The following AGBL1 variants were observed in gnomAD, a reference collection of about 807,000 sequenced individuals.
AGBL1 encodes cytosolic carboxypeptidase 4.
Under a neutral mutation model 118.9 loss-of-function variants are expected in AGBL1, and 130 were observed. That is an observed-to-expected ratio of 1.09 (90% CI 0.95 to 1.26). AGBL1 has a LOEUF of 1.26. AGBL1 is among the 50% of genes most tolerant of loss of function. AGBL1 has a pLI of 0.00. For missense variants in AGBL1, 1,584 were observed against 1,298.1 expected (o/e 1.22, Z -3.38); for synonymous variants, 555 against 478.9 (o/e 1.16, Z -2.08).
At chr15:86,925,151 AGGAGGAGGAG>A (rs371353197) in intron 23 of AGBL1, among the ~76,000 whole-genome samples, 71,915 of 121,500 alleles carry the variant, frequency 0.59, 21,590 homozygotes, top group East Asian at 0.68. Flanking sequence ...GAAGAGGAGG[AGGAGGAGGAG>A]GAGGAGGAAG....
chr15:86,487,953 T>A (rs2082733017), intron 18 of AGBL1, among the ~76,000 whole-genome samples: 1 of 152,012 alleles, frequency 6.6e-6, no homozygotes, highest in Non-Finnish European at 1.5e-5. Context: ...AGTTTCAAGT[T>A]CCCCTCCTTT....
chr15:86,118,898 C>T (rs570614097), intron 1 of AGBL1, among the ~76,000 whole-genome samples: 15 of 152,300 alleles, frequency 9.8e-5, no homozygotes, highest in African/African-American at 3.6e-4. Flanking sequence ...TATGTAGCAT[C>T]CACTGCTTAC....
intron 23 of AGBL1, among the ~76,000 whole-genome samples, chr15:86,973,522 A>G (rs2081132616): frequency 6.6e-6 from 1 of 151,602 alleles, no homozygotes; most frequent in Non-Finnish European, 1.5e-5. Flanking sequence ...AGGTTGGCCT[A>G]GCATGATCGG....
chr15:86,760,940 T>G (rs2078013852), intron 22 of AGBL1, among the ~76,000 whole-genome samples: 1 of 152,106 alleles, frequency 6.6e-6, no homozygotes, highest in African/African-American at 2.4e-5. Context: ...TCTAAATGCA[T>G]TGGTAAGCAC....
At chr15:86,447,294 T>C (rs899716238) in intron 18 of AGBL1, among the ~76,000 whole-genome samples, 1 of 152,188 alleles carries the variant, frequency 6.6e-6, no homozygotes, top group Non-Finnish European at 1.5e-5. Flanking sequence ...TGCAAATGAC[T>C]CTTTTCCTCT....
intron 23 of AGBL1, among the ~76,000 whole-genome samples, chr15:86,981,775 T>C (rs548258990): frequency 1.3e-5 from 2 of 152,226 alleles, no homozygotes; most frequent in East Asian, 1.9e-4. Context: ...AAAATGAAAG[T>C]TGCCTTGGGA....
chr15:86,683,965 A>C (rs1484225088), intron 22 of AGBL1, among the ~76,000 whole-genome samples: 1 of 152,126 alleles, frequency 6.6e-6, no homozygotes, highest in Non-Finnish European at 1.5e-5. Context: ...ACCCTGTGAC[A>C]CCTATGGCTC....
intron 21 of AGBL1, among the ~76,000 whole-genome samples, chr15:86,654,141 G>T (rs533346487): frequency 6.6e-6 from 1 of 152,190 alleles, no homozygotes; most frequent in South Asian, 2.1e-4. Context: ...ATGTCTCTAT[G>T]GGCCAAGCAG....
intron 22 of AGBL1, among the ~76,000 whole-genome samples, chr15:86,890,432 A>G (rs1371500996): frequency 6.6e-6 from 1 of 151,940 alleles, no homozygotes; most frequent in African/African-American, 2.4e-5. Flanking sequence ...CTTTTGTTGC[A>G]GTTGTTTTTG....
chr15:86,471,033 T>C (rs1383286436), intron 18 of AGBL1, among the ~76,000 whole-genome samples: 2 of 152,188 alleles, frequency 1.3e-5, no homozygotes, highest in Admixed American at 1.3e-4. Context: ...CTTGCCAAAT[T>C]GCCCTTGTTA....
At chr15:86,998,401 A>G (rs1346113020) in intron 24 of AGBL1, among the ~76,000 whole-genome samples, 1 of 152,124 alleles carries the variant, frequency 6.6e-6, no homozygotes, top group East Asian at 1.9e-4. Flanking sequence ...CTTCAATCCA[A>G]CCAGCCCTTG....
intron 17 of AGBL1, among the ~76,000 whole-genome samples, chr15:86,340,072 A>C (rs968714650): frequency 2.0e-5 from 3 of 152,164 alleles, no homozygotes; most frequent in Non-Finnish European, 4.4e-5. Context: ...ATAACTGCTT[A>C]AAATCTTTGT....
chr15:86,598,033 A>G (rs74524944), intron 21 of AGBL1, among the ~76,000 whole-genome samples: 2,453 of 152,206 alleles, frequency 0.016, 53 homozygotes, highest in African/African-American at 0.05. Flanking sequence ...GAGTTCTATC[A>G]TCATATTTTG....
rs924514172 is a variant in AGBL1 at position 86,224,147 on chromosome 15, A to T, written c.489-767A>T. Among the ~76,000 whole-genome samples the T allele has an allele frequency of 7.2e-5, 11 of 152,056 alleles. No individual in the cohort carries two copies. In the East Asian group the frequency reaches 1.9e-3, roughly 27 times the overall value. On this transcript the variant is annotated intron_variant, in intron 5 of 22. Transcript: ENST00000614907. The stretch of plus-strand genomic sequence containing the variant: ...GCCACACAGAATCTTCTATTTTTTT[A>T]AAAAAGCAAACACAACTCTCCTCCC...
intron 18 of AGBL1, among the ~76,000 whole-genome samples, chr15:86,455,655 T>G (rs950464311): frequency 2.6e-5 from 4 of 152,162 alleles, no homozygotes; most frequent in African/African-American, 9.7e-5. Flanking sequence ...AAGCTAACAT[T>G]TGTGCTTAAA....
intron 18 of AGBL1, among the ~76,000 whole-genome samples, chr15:86,413,088 C>T (rs577480027): frequency 3.4e-4 from 52 of 152,220 alleles, no homozygotes; most frequent in Non-Finnish European, 6.3e-4. Context: ...CTACATTATA[C>T]ATGGAATCAG....
chr15:86,853,178 A>G (rs947813332), intron 22 of AGBL1, among the ~76,000 whole-genome samples: 3 of 152,186 alleles, frequency 2.0e-5, no homozygotes, highest in Non-Finnish European at 4.4e-5. Flanking sequence ...AGTTTAGGAG[A>G]AAACAAAGAT....
At chr15:86,464,548 C>T (rs2082375511) in intron 18 of AGBL1, among the ~76,000 whole-genome samples, 1 of 152,150 alleles carries the variant, frequency 6.6e-6, no homozygotes, top group African/African-American at 2.4e-5. Context: ...CCAGCTTTTG[C>T]CCATTCAGTA....
At chr15:86,896,910 T>C (rs940943538) in intron 22 of AGBL1, among the ~76,000 whole-genome samples, 2 of 152,176 alleles carry the variant, frequency 1.3e-5, no homozygotes, top group Non-Finnish European at 2.9e-5. Context: ...TCTTTGGATT[T>C]CCTAGACTTT....
Sources: gnomAD v4.1 joint callset for allele counts (sites outside exome capture counted in the v4.1 genomes callset) on GRCh38, gnomAD v4.1.1 for gene constraint, MANE v1.5 for transcripts, NCBI Gene and HGNC (gene_info 2026-07-23, HGNC 2026-07-21) for gene names.